KLF12: variants seen among roughly 807,000 people sequenced by gnomAD.
KLF12 encodes KLF transcription factor 12.
Under a neutral mutation model 37.8 loss-of-function variants are expected in KLF12, and 9 were observed. The ratio of observed to expected loss-of-function variants is 0.24; its 90% CI spans 0.14 to 0.42. The LOEUF (loss-of-function observed/expected upper bound fraction) is 0.42. KLF12 is among the 10% of genes least tolerant of loss of function. KLF12 has a pLI of 1.00. For missense variants in KLF12, 411 were observed against 516.0 expected, an observed-to-expected ratio of 0.80 and a Z score of 1.97; for synonymous variants, 208 against 202.1, an observed-to-expected ratio of 1.03 and a Z score of -0.25.
chr13:73,792,169 T>C (rs1278387135), intron 5 of KLF12, among the ~76,000 whole-genome samples: 1 of 152,164 alleles, frequency 6.6e-6, no homozygotes. Flanking sequence ...CAACCCAACA[T>C]ACCAGTGAGT....
intron 1 of KLF12, among the ~76,000 whole-genome samples, chr13:74,068,793 G>C (rs961437983): frequency 6.6e-6 from 1 of 152,138 alleles, no homozygotes. Flanking sequence ...CTGGCCTCAA[G>C]TGATCTGCCC....
At chr13:74,273,195 T>C in the KLF12 span, among the ~76,000 whole-genome samples, 1 of 152,206 alleles carries the variant, frequency 6.6e-6, no homozygotes, top group East Asian at 1.9e-4. Context: ...ATAGTTATGA[T>C]GCAACTACAG....
At chr13:73,996,837 T>C (rs1253979589) in intron 1 of KLF12, among the ~76,000 whole-genome samples, 3 of 152,072 alleles carry the variant, frequency 2.0e-5, no homozygotes, top group African/African-American at 4.8e-5. Context: ...GGTAACCTCA[T>C]CCTACACTAC....
At chr13:73,944,110 C>T in intron 2 of KLF12, 40 bp from the exon 3 acceptor site, 1 of 1,304,194 alleles carries the variant, frequency 7.7e-7, no homozygotes, top group Non-Finnish European at 1.1e-6. Flanking sequence ...AGCTCTAAAG[C>T]ATTCAAAAGA....
intron 5 of KLF12, among the ~76,000 whole-genome samples, chr13:73,765,542 A>G (rs1879854555): frequency 2.0e-5 from 3 of 152,210 alleles, no homozygotes; most frequent in Admixed American, 2.0e-4. Context: ...TACATTCTGG[A>G]AGTGATGTGC....
At chr13:74,169,142 T>A in the KLF12 span, among the ~76,000 whole-genome samples, 1 of 152,212 alleles carries the variant, frequency 6.6e-6, no homozygotes. Context: ...GACGAAAGTA[T>A]TATTAAGAAA....
At chr13:73,937,846 C>A (rs1443555986) in intron 3 of KLF12, among the ~76,000 whole-genome samples, 1 of 152,060 alleles carries the variant, frequency 6.6e-6, no homozygotes, top group Non-Finnish European at 1.5e-5. Flanking sequence ...AACTCTGCAT[C>A]TTTAGTGGAG....
chr13:74,026,537 C>T (rs950197348), intron 1 of KLF12, among the ~76,000 whole-genome samples: 2 of 152,176 alleles, frequency 1.3e-5, no homozygotes, highest in African/African-American at 4.8e-5. Flanking sequence ...TTGTAAGTTA[C>T]ATATGCATGC....
At chr13:74,292,016 C>T in the KLF12 span, among the ~76,000 whole-genome samples, 7 of 152,234 alleles carry the variant, frequency 4.6e-5, no homozygotes, top group African/African-American at 9.6e-5. Flanking sequence ...GGACATTCAA[C>T]GAGATGCTCA....
the KLF12 span, among the ~76,000 whole-genome samples, chr13:74,163,416 C>A: frequency 6.6e-5 from 10 of 152,194 alleles, no homozygotes; most frequent in Admixed American, 3.9e-4. Context: ...AGAATGAAAT[C>A]CAATCATTTG....
chr13:74,183,660 T>C, the KLF12 span, among the ~76,000 whole-genome samples: 5 of 152,114 alleles, frequency 3.3e-5, no homozygotes, highest in Non-Finnish European at 7.4e-5. Context: ...AGAAGCTGGG[T>C]GCAGGTAGCT....
intron 7 of KLF12, among the ~76,000 whole-genome samples, chr13:73,698,896 G>A (rs1256704193): frequency 6.6e-6 from 1 of 152,142 alleles, no homozygotes; most frequent in Admixed American, 6.5e-5. Flanking sequence ...ATTACACATT[G>A]GGTGTTGGAA....
At chr13:74,202,922 C>A in the KLF12 span, among the ~76,000 whole-genome samples, 1 of 152,028 alleles carries the variant, frequency 6.6e-6, no homozygotes, top group Non-Finnish European at 1.5e-5. Flanking sequence ...CAGTAGGCAG[C>A]AAGACCAGCA....
chr13:74,211,001 G>A, the KLF12 span, among the ~76,000 whole-genome samples: 1 of 152,150 alleles, frequency 6.6e-6, no homozygotes, highest in Non-Finnish European at 1.5e-5. Context: ...CAGTCCTGTA[G>A]CCCAGAGAGT....
chr13:74,248,039 T>C, the KLF12 span, among the ~76,000 whole-genome samples: 1 of 152,204 alleles, frequency 6.6e-6, no homozygotes, highest in Admixed American at 6.5e-5. Context: ...GTAACTTCTT[T>C]TCCTCTCATG....
rs963336572 is a variant in KLF12 at position 73,843,245 on chromosome 13, G to A, written c.670+2582C>T. On this transcript the variant is annotated intron_variant, in intron 4 of 7. Coordinates refer to ENST00000377669, the MANE Select transcript of KLF12 (RefSeq NM_007249.5). ...ATTGATTTTGGTATTTTTTGGGAGA[G>A]ATAATAAGTAATTTCAATCATTTAT... 5.3e-5 allele frequency among the ~76,000 whole-genome samples: 8 copies of A among 151,752 alleles called. 1 individual carries two copies. In the East Asian group the frequency reaches 1.5e-3, roughly 29 times the overall value.
At chr13:74,060,450 C>A (rs2138644287) in intron 1 of KLF12, among the ~76,000 whole-genome samples, 1 of 147,822 alleles carries the variant, frequency 6.8e-6, no homozygotes, top group African/African-American at 2.5e-5. Flanking sequence ...AAGAAGACAT[C>A]TTTCGCCTCC....
chr13:74,023,363 G>A (rs1892893011), intron 1 of KLF12, among the ~76,000 whole-genome samples: 1 of 152,194 alleles, frequency 6.6e-6, no homozygotes, highest in Non-Finnish European at 1.5e-5. Context: ...CTTATTGGCA[G>A]GTGTATTAGT....
chr13:73,965,909 CACTCTAAT>C (rs766918171), intron 2 of KLF12, among the ~76,000 whole-genome samples: 24 of 152,080 alleles, frequency 1.6e-4, no homozygotes, highest in Non-Finnish European at 3.4e-4. Context: ...AAGAGCAGGC[CACTCTAAT>C]ACTCTAGTAG....
Sources: allele counts gnomAD v4.1 joint callset (sites outside exome capture counted in the v4.1 genomes callset), GRCh38; gene constraint gnomAD v4.1.1; transcripts MANE v1.5; gene names NCBI Gene and HGNC (gene_info 2026-07-23, HGNC 2026-07-21).